Variants in STPG4 observed in about 807,000 individuals in gnomAD.
The protein encoded by STPG4 is protein STPG4.
Under a neutral mutation model 31.5 loss-of-function variants are expected in STPG4, and 41 were observed. That is an observed-to-expected ratio of 1.30 (90% confidence interval 1.01 to 1.69). The LOEUF is 1.69. Ranked by LOEUF, STPG4 falls within the 40% of genes most tolerant of loss-of-function variation. The pLI is 0.00. For missense variants in STPG4, 375 were observed against 293.4 expected (o/e 1.28, Z -2.03); for synonymous variants, 141 against 103.0 (o/e 1.37, Z -2.24).
chr2:47,144,471 T>C (rs1012200488), intron 3 of STPG4, among the ~76,000 whole-genome samples: 3 of 152,074 alleles, frequency 2.0e-5, no homozygotes, highest in African/African-American at 7.2e-5. Context: ...ACTGCTTGAG[T>C]CCAGGAGTTT....
At chr2:47,151,178 A>G in intron 3 of STPG4, 80 bp downstream of exon 3, 1 of 1,513,456 alleles carries the variant, frequency 6.6e-7, no homozygotes, top group South Asian at 1.2e-5. Flanking sequence ...GGGGGAAGAT[A>G]TACTCTACGT....
At chr2:47,095,502 T>G (rs1017996463) in intron 5 of STPG4, among the ~76,000 whole-genome samples, 1 of 152,112 alleles carries the variant, frequency 6.6e-6, no homozygotes, top group African/African-American at 2.4e-5. Context: ...GGACTTCCAG[T>G]CTCCAGAACT....
chr2:47,132,863 C>T (rs1367204100), intron 3 of STPG4, among the ~76,000 whole-genome samples: 2 of 152,154 alleles, frequency 1.3e-5, no homozygotes, highest in African/African-American at 4.8e-5. Flanking sequence ...ATTTATTTAT[C>T]TATACTGAGC....
intron 5 of STPG4, among the ~76,000 whole-genome samples, chr2:47,092,434 G>A (rs892787174): frequency 1.1e-4 from 16 of 150,684 alleles, no homozygotes; most frequent in African/African-American, 3.9e-4. Context: ...AGGCTGAGGT[G>A]AGAGGATCAC....
chr2:47,135,507 C>G (rs1686578514), intron 3 of STPG4, among the ~76,000 whole-genome samples: 2 of 152,130 alleles, frequency 1.3e-5, no homozygotes, highest in Admixed American at 1.3e-4. Flanking sequence ...CTGCTTCAGC[C>G]TCCCAAGTAG....
At chr2:47,098,920 C>T (rs967820237) in intron 5 of STPG4, among the ~76,000 whole-genome samples, 1 of 152,128 alleles carries the variant, frequency 6.6e-6, no homozygotes, top group Non-Finnish European at 1.5e-5. Context: ...TCTACAGGTT[C>T]CCAAGACAAG....
rs1686553902 is a variant in STPG4, at chr2:47,134,420, C to T, written c.400-4160G>A. On this transcript the variant is annotated intron_variant, in intron 3 of 6. Coordinates refer to ENST00000445927, the MANE Select transcript of STPG4 (RefSeq NM_001163561.2). ...CTTTTTATAGTCTCCATAGTTTTGC[C>T]TTTTCCAGAATGTCATAGAGGTGGA... Among the ~76,000 whole-genome samples, 4 of 152,196 alleles carry T rather than the reference C, an allele frequency of 2.6e-5. No homozygotes were observed. The South Asian group carries it at 8.3e-4, about 32-fold the overall frequency.
chr2:47,139,990 G>T (rs1686671509), intron 3 of STPG4, among the ~76,000 whole-genome samples: 1 of 151,990 alleles, frequency 6.6e-6, no homozygotes, highest in Non-Finnish European at 1.5e-5. Context: ...TGGCCAGGCT[G>T]GTCTCAAACT....
At chr2:47,107,866 G>C (rs1362678726) in intron 5 of STPG4, among the ~76,000 whole-genome samples, 2 of 152,154 alleles carry the variant, frequency 1.3e-5, no homozygotes, top group Admixed American at 6.5e-5. Flanking sequence ...CTAGCTCAGG[G>C]TTTGTGAATG....
chr2:47,128,692 C>G (rs376302405), intron 5 of STPG4, among the ~76,000 whole-genome samples: 1 of 152,074 alleles, frequency 6.6e-6, no homozygotes, highest in East Asian at 1.9e-4. Context: ...CAGTGGGCTC[C>G]CCTCTGGCCC....
intron 5 of STPG4, among the ~76,000 whole-genome samples, chr2:47,123,800 T>A (rs1038322295): frequency 6.6e-6 from 1 of 152,158 alleles, no homozygotes; most frequent in South Asian, 2.1e-4. Context: ...ATATTTTATT[T>A]TGAAAAATGT....
intron 3 of STPG4, among the ~76,000 whole-genome samples, chr2:47,133,698 C>T (rs191414227): frequency 1.1e-3 from 172 of 149,594 alleles, no homozygotes; most frequent in Middle Eastern, 3.5e-3. Flanking sequence ...CTGCCTCAGC[C>T]TCCTGAGTAG....
At chr2:47,106,930 G>A (rs1183208441) in intron 5 of STPG4, among the ~76,000 whole-genome samples, 1 of 151,930 alleles carries the variant, frequency 6.6e-6, no homozygotes, top group African/African-American at 2.4e-5. Flanking sequence ...CTTCTACCGA[G>A]GACCCCTGGA....
chr2:47,118,123 C>T (rs1165332201), intron 5 of STPG4, among the ~76,000 whole-genome samples: 2 of 152,052 alleles, frequency 1.3e-5, no homozygotes, highest in African/African-American at 4.8e-5. Flanking sequence ...TCAGGGTCCC[C>T]AACCCCCAGG....
At chr2:47,108,936 G>C (rs1005801469) in intron 5 of STPG4, 2 of 152,266 alleles carry the variant, frequency 1.3e-5, no homozygotes, top group Non-Finnish European at 2.9e-5. Context: ...CCAAGGGATA[G>C]CACGTGCAAA....
At position 47,155,023 on chromosome 2, in the gene STPG4, G is replaced by A. The variant is rs1278011907; in HGVS notation, c.81+148C>T. The A allele has an allele frequency of 7.4e-6, 5 of 673,118 alleles. No individual in the cohort carries two copies. The South Asian group carries it at 8.9e-5, about 12-fold the overall frequency. The allele number at this position is 673,118 out of a possible 1,614,324, so 41.7% of individuals were successfully genotyped here. A position where few individuals can be genotyped will look rare whatever the true frequency, so the allele number is the denominator to read the frequency against. On this transcript the variant is annotated intron_variant, in intron 1 of 6. Coordinates refer to ENST00000445927, the MANE Select transcript of STPG4 (RefSeq NM_001163561.2). Reference sequence around the variant, plus strand: ...AAAGACCAGGAAGGAAGGTCCGCAGGTGGAGACGTGCGTGAGGGCAGGGAG... The same window carrying A: ...AAAGACCAGGAAGGAAGGTCCGCAGATGGAGACGTGCGTGAGGGCAGGGAG...
chr2:47,126,837 A>T (rs1264185248), intron 5 of STPG4, among the ~76,000 whole-genome samples: 3 of 152,036 alleles, frequency 2.0e-5, no homozygotes, highest in African/African-American at 7.2e-5. Context: ...ATGTCATGCC[A>T]CTCACTCCTG....
At position 47,151,348 on chromosome 2, in the gene STPG4, G is replaced by T. The variant is rs1418932067; in HGVS notation, c.309C>A (p.Asp103Glu). Reference protein sequence around the residue: ...LNDLPQYMPPDFLDLLKKQVA... With the variant: ...LNDLPQYMPPEFLDLLKKQVA... ...CTTGCTTCTTTAACAGGTCCAGGAAGTCAGGAGGCATATACTGCGGAAGAT... is the reference window on the plus strand; with the variant it reads ...CTTGCTTCTTTAACAGGTCCAGGAATTCAGGAGGCATATACTGCGGAAGAT... Residue 103 changes from aspartate (D) to glutamate (E), a missense_variant, in exon 3 of 7, where the codon GAC (aspartate) becomes GAA (glutamate). By Grantham distance (45) the Asp-to-Glu change is conservative (BLOSUM62 2). Transcript: ENST00000445927. 3.7e-6 allele frequency: 6 copies of T among 1,614,208 alleles called. No homozygotes were observed. The highest frequency in any genetic ancestry group is 1.6e-4 in the Middle Eastern group (1 of 6,062).
chr2:47,098,703 G>T (rs780795157), intron 5 of STPG4, among the ~76,000 whole-genome samples: 4 of 151,538 alleles, frequency 2.6e-5, no homozygotes, highest in Non-Finnish European at 5.9e-5. Context: ...ACTACATGGG[G>T]TGGTAAAAAT....
Sources: allele counts gnomAD v4.1 joint callset (sites outside exome capture counted in the v4.1 genomes callset), GRCh38; gene constraint gnomAD v4.1.1; transcripts MANE v1.5; gene names NCBI Gene and HGNC (gene_info 2026-07-23, HGNC 2026-07-21).